Variants in CYP2C19 observed in about 807,000 individuals in gnomAD.
CYP2C19 encodes cytochrome P450 family 2 subfamily C member 19.
A neutral mutation model predicts 40.9 loss-of-function variants in CYP2C19; 59 were observed. The ratio of observed to expected loss-of-function variants is 1.44; its 90% CI spans 1.17 to 1.79. The LOEUF is 1.79. Among genes scored for constraint, CYP2C19 ranks in the 40% most tolerant of loss-of-function variants. CYP2C19 has a pLI of 0.00. For synonymous variants in CYP2C19, 253 were observed against 208.7 expected, an observed-to-expected ratio of 1.21 and a Z score of -1.83; for missense variants, 754 against 596.9, an observed-to-expected ratio of 1.26 and a Z score of -2.74.
chr10:94,846,512 A>G (rs1849574694), intron 7 of CYP2C19, among the ~76,000 whole-genome samples: 1 of 152,166 alleles, frequency 6.6e-6, no homozygotes, highest in African/African-American at 2.4e-5. Context: ...ATGGCATGAC[A>G]CTTTAAGACA....
chr10:94,810,143 G>A lies in CYP2C19; in HGVS notation c.820-10353G>A, dbSNP rs1762807404. 2.0e-5 allele frequency among the ~76,000 whole-genome samples: 3 copies of A among 152,194 alleles called. 1 individual carries two copies. The South Asian group carries it at 6.2e-4, about 32-fold the overall frequency. On this transcript the variant is annotated intron_variant, in intron 5 of 8. Transcript: ENST00000371321. ...GATCCACCCACCTCAGCCTCCCAAA[G>A]TGCTGGAATTATAGGCGTGAGCCAC...
intron 6 of CYP2C19, among the ~76,000 whole-genome samples, chr10:94,830,318 G>C (rs1211225943): frequency 6.6e-6 from 1 of 152,316 alleles, no homozygotes; most frequent in Admixed American, 6.5e-5. Flanking sequence ...CTCCGTGGGC[G>C]TAGGACCCTC....
At chr10:94,842,697 G>A in intron 6 of CYP2C19, 140 bp from the exon 7 acceptor site, 2 of 975,916 alleles carry the variant, frequency 2.0e-6, no homozygotes, top group Non-Finnish European at 3.1e-6. Flanking sequence ...CTCTCTTTAA[G>A]TTACACATAC....
At chr10:94,789,810 T>C (rs1450041545) in intron 5 of CYP2C19, among the ~76,000 whole-genome samples, 1 of 152,148 alleles carries the variant, frequency 6.6e-6, no homozygotes, top group Non-Finnish European at 1.5e-5. Flanking sequence ...TTGCTGAGGA[T>C]TGTCTTGGCT....
chr10:94,772,595 G>T (rs1387115535), intron 1 of CYP2C19, among the ~76,000 whole-genome samples: 5 of 152,164 alleles, frequency 3.3e-5, no homozygotes, highest in African/African-American at 7.2e-5. Flanking sequence ...CCAACTTGTT[G>T]TCGGGACCCC....
chr10:94,852,974 C>T lies in CYP2C19; in HGVS notation c.*60C>T. On this transcript the variant is annotated 3_prime_UTR_variant, in exon 9 of 9. Coordinates refer to ENST00000371321, the MANE Select transcript of CYP2C19 (RefSeq NM_000769.4). ...CCCTGCAGCTCTCTTTCCTCTGGTC[C>T]AAATTTCACTATCTGTGATGCTTCT... is the stretch of plus-strand genomic sequence containing the variant. 1 of 1,549,772 alleles carries T rather than the reference C, an allele frequency of 6.5e-7. No individual in the cohort carries two copies. The highest frequency in any genetic ancestry group is 8.9e-7 in the Non-Finnish European group (1 of 1,128,498).
intron 5 of CYP2C19, among the ~76,000 whole-genome samples, chr10:94,783,681 C>A (rs1848506409): frequency 1.3e-5 from 2 of 152,072 alleles, no homozygotes; most frequent in Non-Finnish European, 2.9e-5. Flanking sequence ...AGTACACCAT[C>A]TTGAAGTCTT....
chr10:94,770,767 G>A (rs1420539711), intron 1 of CYP2C19, among the ~76,000 whole-genome samples: 1 of 152,030 alleles, frequency 6.6e-6, no homozygotes, highest in Admixed American at 6.6e-5. Flanking sequence ...ATAATTCATG[G>A]GCTTTTTCCT....
chr10:94,775,644 T>TG, intron 3 of CYP2C19, 105 bp downstream of exon 3: 1 of 1,590,908 alleles, frequency 6.3e-7, no homozygotes, highest in Admixed American at 1.7e-5. Context: ...TTTGGAGTCC[T>TG]GGTTGTTAGC....
chr10:94,790,446 A>G (rs1008407176), intron 5 of CYP2C19, among the ~76,000 whole-genome samples: 1 of 152,136 alleles, frequency 6.6e-6, no homozygotes, highest in Non-Finnish European at 1.5e-5. Context: ...AATTTCTTCC[A>G]GTTTTTGCCC....
intron 5 of CYP2C19, among the ~76,000 whole-genome samples, chr10:94,802,198 C>T (rs1440120802): frequency 6.6e-6 from 1 of 152,086 alleles, no homozygotes; most frequent in African/African-American, 2.4e-5. Flanking sequence ...CTCTAGCTAG[C>T]TACAGAGCAC....
chr10:94,804,556 C>T (rs1848807932), intron 5 of CYP2C19, among the ~76,000 whole-genome samples: 1 of 152,188 alleles, frequency 6.6e-6, no homozygotes, highest in Non-Finnish European at 1.5e-5. Flanking sequence ...ATGTTCAAGC[C>T]TCTCCCCACC....
intron 5 of CYP2C19, among the ~76,000 whole-genome samples, chr10:94,816,442 C>G (rs1292029555): frequency 6.6e-6 from 1 of 151,988 alleles, no homozygotes; most frequent in Non-Finnish European, 1.5e-5. Context: ...TAAGTGGTAA[C>G]AGATTAACAA....
At chr10:94,795,252 T>G (rs1477996931) in intron 5 of CYP2C19, among the ~76,000 whole-genome samples, 2 of 146,668 alleles carry the variant, frequency 1.4e-5, no homozygotes, top group African/African-American at 5.0e-5. Context: ...GAACATACGG[T>G]GTTTGGTTTT....
chr10:94,791,098 G>A (rs1188810501), intron 5 of CYP2C19, among the ~76,000 whole-genome samples: 1 of 152,070 alleles, frequency 6.6e-6, no homozygotes, highest in Non-Finnish European at 1.5e-5. Context: ...AGTCTTGGGA[G>A]GGTGTATGTG....
At chr10:94,844,235 A>G (rs181465538) in intron 7 of CYP2C19, among the ~76,000 whole-genome samples, 29 of 152,320 alleles carry the variant, frequency 1.9e-4, no homozygotes, top group African/African-American at 7.0e-4. Flanking sequence ...GTTAAATACC[A>G]GATGTTATGT....
chr10:94,780,529 G>T lies in CYP2C19; in HGVS notation c.512G>T (p.Gly171Val). 6.2e-7 allele frequency: 1 copy of T among 1,613,538 alleles called. No homozygotes were observed. Among genetic ancestry groups the T allele is most frequent in the Non-Finnish European group, 8.5e-7 (1 of 1,179,884 alleles). The part of the protein sequence containing the change: ...ASPCDPTFIL[G>V]CAPCNVICSI... ...CCCTGTGATCCCACTTTCATCCTGGGCTGTGCTCCCTGCAATGTGATCTGC... is the reference window on the plus strand; with the variant it reads ...CCCTGTGATCCCACTTTCATCCTGGTCTGTGCTCCCTGCAATGTGATCTGC... Residue 171 changes from glycine (G) to valine (V), a missense_variant, in exon 4 of 9, where the codon GGC (glycine) becomes GTC (valine). Coordinates refer to ENST00000371321, the MANE Select transcript of CYP2C19 (RefSeq NM_000769.4).
chr10:94,768,748 G>A (rs1407853001), intron 1 of CYP2C19, among the ~76,000 whole-genome samples: 2 of 152,094 alleles, frequency 1.3e-5, no homozygotes, highest in Non-Finnish European at 2.9e-5. Context: ...TATACCACTG[G>A]TTGTGGGGTT....
chr10:94,780,442 T>G (rs554601612), intron 3 of CYP2C19, 57 bp from the exon 4 acceptor site: 2 of 1,592,522 alleles, frequency 1.3e-6, no homozygotes, highest in East Asian at 2.2e-5. Flanking sequence ...TTAACAAATA[T>G]GAAGTGTTTT....
Sources: allele counts gnomAD v4.1 joint callset (sites outside exome capture counted in the v4.1 genomes callset), GRCh38; gene constraint gnomAD v4.1.1; transcripts MANE v1.5; gene names NCBI Gene and HGNC (gene_info 2026-07-23, HGNC 2026-07-21).